The following RAPGEF1 variants were observed in gnomAD, a reference collection of about 807,000 sequenced individuals.
RAPGEF1 encodes Rap guanine nucleotide exchange factor 1, also known as CRK SH3-binding GNRP.
RAPGEF1 carries 33 observed loss-of-function variants against 143.3 expected under a neutral mutation model. That is an observed-to-expected ratio of 0.23 (90% CI 0.17 to 0.31). The LOEUF (loss-of-function observed/expected upper bound fraction) is 0.31. Among genes scored for constraint, RAPGEF1 ranks in the 10% least tolerant of loss-of-function variants. The probability of loss-of-function intolerance (pLI) is 1.00; values close to 1 mark genes in which losing one functional copy is unlikely to be tolerated. For synonymous variants in RAPGEF1, 629 were observed against 676.5 expected, an observed-to-expected ratio of 0.93 and a Z score of 1.09; for missense variants, 1,199 against 1,645.4, an observed-to-expected ratio of 0.73 and a Z score of 4.69.
At chr9:131,652,007 T>C (rs1021507042) in intron 1 of RAPGEF1, among the ~76,000 whole-genome samples, 1 of 152,152 alleles carries the variant, frequency 6.6e-6, no homozygotes, top group Non-Finnish European at 1.5e-5. Context: ...GTATAAAAGA[T>C]TAAAAATTCC....
intron 1 of RAPGEF1, among the ~76,000 whole-genome samples, chr9:131,669,921 G>A (rs1831079866): frequency 1.3e-5 from 2 of 152,118 alleles, no homozygotes; most frequent in African/African-American, 2.4e-5. Context: ...GTAACACAAG[G>A]CCCTGCCCAC....
chr9:131,585,364 G>A (rs532504039), intron 22 of RAPGEF1, among the ~76,000 whole-genome samples: 27 of 73,250 alleles, frequency 3.7e-4, no homozygotes, highest in African/African-American at 8.6e-4. Flanking sequence ...TTTTTTGTAG[G>A]GGGGGGGCGT....
rs1964233906 is a variant in RAPGEF1, at chr9:131,629,395, A to G, written c.741-141T>C. The stretch of plus-strand genomic sequence containing the variant: ...GAAGAGCAGGCTCCCTGGATATAGA[A>G]CCCTGGGGTTCTGGTTTGGTTGCTA... On this transcript the variant is annotated intron_variant, in intron 6 of 26. Transcript: ENST00000683357. The G allele has an allele frequency of 2.5e-5, 21 of 854,552 alleles. No homozygotes were observed. In the South Asian group the frequency reaches 3.7e-4, roughly 15 times the overall value. 52.9% of individuals were successfully genotyped at this position (854,552 alleles called of 1,614,324 possible).
chr9:131,643,445 G>A (rs1281710676), intron 3 of RAPGEF1, 28 bp from the exon 4 acceptor site: 1 of 1,585,416 alleles, frequency 6.3e-7, no homozygotes, highest in Admixed American at 1.9e-5. Flanking sequence ...GCATAAGGAG[G>A]AGGAGAGAGA....
intron 1 of RAPGEF1, among the ~76,000 whole-genome samples, chr9:131,707,670 G>C (rs1040295322): frequency 1.3e-5 from 2 of 151,976 alleles, no homozygotes; most frequent in Admixed American, 6.6e-5. Context: ...TGAACTCCTG[G>C]CCTCATGTGA....
At position 131,739,918 on chromosome 9, in the gene RAPGEF1, C is replaced by T; in HGVS notation, c.-88G>A. The stretch of plus-strand genomic sequence containing the variant: ...TGGCTCGCCACGCCTCAGACCCGCG[C>T]CGGCATGGCGGGCTCCGCGCGGCCG... On this transcript the variant is annotated 5_prime_UTR_variant, in exon 1 of 27. Transcript: ENST00000683357. The T allele has an allele frequency of 2.5e-6, 2 of 790,230 alleles. No individual in the cohort carries two copies. Among genetic ancestry groups the T allele is most frequent in the Non-Finnish European group, 3.1e-6 (2 of 654,614 alleles). The allele number at this position is 790,230 out of a possible 1,614,324, so 49.0% of individuals were successfully genotyped here. A position where few individuals can be genotyped will look rare whatever the true frequency, so the allele number is the denominator to read the frequency against.
intron 1 of RAPGEF1, chr9:131,737,257 C>T (rs945187540): frequency 9.8e-6 from 13 of 1,324,186 alleles, no homozygotes; most frequent in Non-Finnish European, 1.3e-5. Context: ...CCACACTTTC[C>T]GCAGCTCCTG....
At position 131,703,995 on chromosome 9, in the gene RAPGEF1, T is replaced by G. The variant is rs570715211; in HGVS notation, c.61+35775A>C. The stretch of plus-strand genomic sequence containing the variant: ...CTATGCAATGCATAACAAGAATCAC[T>G]AATATTCATTAAATGCTCACTGTAT... On this transcript the variant is annotated intron_variant, in intron 1 of 26. Coordinates refer to ENST00000683357, the MANE Select transcript of RAPGEF1 (RefSeq NM_001377935.1). Among the ~76,000 whole-genome samples, 96 of 152,188 alleles carry G rather than the reference T, an allele frequency of 6.3e-4. 1 individual carries two copies. The highest frequency in any genetic ancestry group is 8.5e-4 in the Non-Finnish European group (58 of 68,036).
intron 1 of RAPGEF1, among the ~76,000 whole-genome samples, chr9:131,688,354 T>C (rs1308253196): frequency 6.6e-6 from 1 of 152,246 alleles, no homozygotes; most frequent in Non-Finnish European, 1.5e-5. Context: ...TCACTGTTTA[T>C]ACATAAACCA....
chr9:131,685,654 T>C (rs1010280734), intron 1 of RAPGEF1, among the ~76,000 whole-genome samples: 1 of 152,224 alleles, frequency 6.6e-6, no homozygotes, highest in Admixed American at 6.5e-5. Context: ...TGGCTTGCTG[T>C]TAATAAACAC....
At chr9:131,591,296 G>C (rs148467394) in intron 18 of RAPGEF1, among the ~76,000 whole-genome samples, 2 of 152,224 alleles carry the variant, frequency 1.3e-5, no homozygotes, top group Non-Finnish European at 2.9e-5. Context: ...AGGAAGGAGC[G>C]GGGGCGCGGG....
Position 131,596,170 on chromosome 9 carries a change from C to T in RAPGEF1, c.2689+128G>A, listed in dbSNP as rs148413987. On this transcript the variant is annotated intron_variant, in intron 17 of 26. Transcript: ENST00000683357. ...TGGGCTCTCCCTGCTCTGACTCAGGCGCACCAGGACTGCTGATCAGACCTG... is the reference window on the plus strand; with the variant it reads ...TGGGCTCTCCCTGCTCTGACTCAGGTGCACCAGGACTGCTGATCAGACCTG... 3.4e-4 allele frequency: 274 copies of T among 794,710 alleles called. 1 individual carries two copies. In the African/African-American group the frequency reaches 3.7e-3, roughly 11 times the overall value. The allele number at this position is 794,710 out of a possible 1,614,324, so 49.2% of individuals were successfully genotyped here.
In RAPGEF1 at chr9:131,626,318, C is replaced by T. The variant is rs371991410; in HGVS notation, c.1306G>A (p.Gly436Arg). The T allele has an allele frequency of 3.1e-6, 5 of 1,613,902 alleles. No individual in the cohort carries two copies. Among genetic ancestry groups the T allele is most frequent in the Non-Finnish European group, 3.4e-6 (4 of 1,179,914 alleles). The change falls in exon 10 of 27, where the codon GGG becomes AGG. Residue 436 changes from glycine to arginine, a missense_variant. Around this residue, in one of 6 missense-constraint regions of RAPGEF1, gnomAD observed 613 missense variants for 710.9 expected, o/e 0.86. Coordinates refer to ENST00000683357, the MANE Select transcript of RAPGEF1 (RefSeq NM_001377935.1). ...CCAAGAAATGGAGACCCAGACTCCC[C>T]CAAAGACTCTGGCAACGGGCTAAGG... ...WNLSPLPESLGESGSPFLGPP... is the reference protein window; with the variant it reads ...WNLSPLPESLRESGSPFLGPP...
intron 15 of RAPGEF1, among the ~76,000 whole-genome samples, chr9:131,599,007 T>C (rs1955791799): frequency 6.6e-6 from 1 of 151,998 alleles, no homozygotes; most frequent in African/African-American, 2.4e-5. Context: ...GTATTTTTAG[T>C]AGAGACAGGG....
intron 1 of RAPGEF1, among the ~76,000 whole-genome samples, chr9:131,682,748 T>C (rs1296600065): frequency 6.6e-6 from 1 of 152,050 alleles, no homozygotes; most frequent in African/African-American, 2.4e-5. Context: ...GCTTATTGGG[T>C]AAGTCAAATT....
At chr9:131,703,230 G>A (rs1834797643) in intron 1 of RAPGEF1, among the ~76,000 whole-genome samples, 1 of 152,132 alleles carries the variant, frequency 6.6e-6, no homozygotes, top group Admixed American at 6.6e-5. Context: ...GAACTCCTGA[G>A]CTCAAGTGAT....
At position 131,650,680 on chromosome 9, in the gene RAPGEF1, G is replaced by A. The variant is rs1482666504; in HGVS notation, c.201+130C>T. Reference sequence around the variant, plus strand: ...ATTTTACAAGGACACCAAAGGTCCCGCCCATGGAATGCTACGAAGTAGGTA... The same window carrying A: ...ATTTTACAAGGACACCAAAGGTCCCACCCATGGAATGCTACGAAGTAGGTA... On this transcript the variant is annotated intron_variant, in intron 2 of 26. Coordinates refer to ENST00000683357, the MANE Select transcript of RAPGEF1 (RefSeq NM_001377935.1). This position sits in a 1 kb window ranked among gnomAD's most constrained non-coding sequence, Gnocchi z 4.7. 5.2e-6 allele frequency: 7 copies of A among 1,343,818 alleles called. No homozygotes were observed. In the Admixed American group the frequency reaches 6.8e-5, roughly 13 times the overall value. 83.2% of individuals were successfully genotyped at this position (1,343,818 alleles called of 1,614,324 possible). A position where few individuals can be genotyped will look rare whatever the true frequency, so the allele number is the denominator to read the frequency against.
chr9:131,708,792 C>T (rs1295999025), intron 1 of RAPGEF1, among the ~76,000 whole-genome samples: 5 of 151,668 alleles, frequency 3.3e-5, no homozygotes, highest in Non-Finnish European at 7.4e-5. Flanking sequence ...AGTGCAGTGG[C>T]GCAATCTCGG....
Position 131,626,300 on chromosome 9 carries a change from A to G in RAPGEF1, c.1324T>C (p.Phe442Leu). The G allele has an allele frequency of 6.2e-7, 1 of 1,613,968 alleles. No individual in the cohort carries two copies. Among genetic ancestry groups the G allele is most frequent in the Non-Finnish European group, 8.5e-7 (1 of 1,179,880 alleles). The change falls in exon 10 of 27, where the codon TTT becomes CTT. Residue 442 changes from phenylalanine to leucine, a missense_variant. Coordinates refer to ENST00000683357, the MANE Select transcript of RAPGEF1 (RefSeq NM_001377935.1). ...PESLGESGSP[F>L]LGPPFQLPLG... ...GGCAGCTGGAAAGGAGGGCCAAGAA[A>G]TGGAGACCCAGACTCCCCCAAAGAC...
Sources: allele counts gnomAD v4.1 joint callset (sites outside exome capture counted in the v4.1 genomes callset), GRCh38; gene constraint gnomAD v4.1.1; regional missense constraint gnomAD v4.1.1; non-coding constraint Gnocchi (gnomAD v3.1); transcripts MANE v1.5; gene names NCBI Gene and HGNC (gene_info 2026-07-23, HGNC 2026-07-21).